Variants in PNLIPRP3 observed in about 807,000 individuals in gnomAD.
PNLIPRP3 encodes the protein pancreatic lipase-related protein 3.
In PNLIPRP3, 58 loss-of-function variants were observed where a neutral mutation model predicts 52.8. The ratio of observed to expected loss-of-function variants is 1.10; its 90% CI spans 0.89 to 1.37. The LOEUF (loss-of-function observed/expected upper bound fraction) is 1.37. PNLIPRP3 is among the 40% of genes most tolerant of loss of function. The pLI is 0.00. For synonymous variants in PNLIPRP3, 192 were observed against 185.0 expected (o/e 1.04, Z -0.31); for missense variants, 593 against 561.6 (o/e 1.06, Z -0.57).
chr10:116,443,629 ACAC>A, intron 3 of PNLIPRP3, among the ~76,000 whole-genome samples: 1 of 2,218 alleles, frequency 4.5e-4, no homozygotes, highest in African/African-American at 5.2e-4. Flanking sequence ...TATATATATA[ACAC>A]ATATATATAA....
At chr10:116,445,563 A>G (rs958662594) in intron 4 of PNLIPRP3, among the ~76,000 whole-genome samples, 1 of 151,856 alleles carries the variant, frequency 6.6e-6, no homozygotes, top group African/African-American at 2.4e-5. Context: ...CTTTATAAAA[A>G]AAAAAAGCCA....
chr10:116,442,967 G>C (rs1845878916), intron 2 of PNLIPRP3, 88 bp from the exon 3 acceptor site: 1 of 1,010,890 alleles, frequency 9.9e-7, no homozygotes, highest in Non-Finnish European at 1.3e-6. Flanking sequence ...TTTAGTGAAA[G>C]GCTTTCGAGC....
At chr10:116,462,288 A>G (rs1292417946) in intron 7 of PNLIPRP3, among the ~76,000 whole-genome samples, 2 of 150,328 alleles carry the variant, frequency 1.3e-5, no homozygotes. Context: ...CATATAATTA[A>G]TGAAATACAT....
intron 4 of PNLIPRP3, among the ~76,000 whole-genome samples, chr10:116,449,587 A>G (rs956242241): frequency 6.6e-6 from 1 of 152,220 alleles, no homozygotes; most frequent in African/African-American, 2.4e-5. Flanking sequence ...CTAAATATAT[A>G]AAGCAAACAT....
chr10:116,463,400 T>G (rs1846228405), intron 7 of PNLIPRP3, among the ~76,000 whole-genome samples: 1 of 152,222 alleles, frequency 6.6e-6, no homozygotes, highest in African/African-American at 2.4e-5. Context: ...CTTGTTCTCC[T>G]CTGTCAGGTG....
At chr10:116,471,733 TTCTC>T in intron 9 of PNLIPRP3, 31 bp from the exon 10 acceptor site, 1 of 1,491,768 alleles carries the variant, frequency 6.7e-7, no homozygotes, top group Non-Finnish European at 9.3e-7. Flanking sequence ...TTTTAACCCT[TTCTC>T]TCCCTTTCCT....
At chr10:116,453,841 G>C (rs556241882) in intron 4 of PNLIPRP3, among the ~76,000 whole-genome samples, 1 of 152,198 alleles carries the variant, frequency 6.6e-6, no homozygotes, top group Admixed American at 6.5e-5. Context: ...CATAGGTATA[G>C]ACGTGCCGTG....
chr10:116,461,860 G>T (rs963893903), intron 7 of PNLIPRP3, among the ~76,000 whole-genome samples: 6 of 152,128 alleles, frequency 3.9e-5, no homozygotes, highest in Non-Finnish European at 8.8e-5. Flanking sequence ...GGCATTCCAG[G>T]CCAACAGGGG....
Position 116,436,723 on chromosome 10 carries a change from G to C in PNLIPRP3, c.62G>C (p.Cys21Ser), listed in dbSNP as rs772840300. The C allele has an allele frequency of 1.2e-6, 2 of 1,608,976 alleles. No homozygotes were observed. Among genetic ancestry groups the C allele is most frequent in the Non-Finnish European group, 1.7e-6 (2 of 1,176,996 alleles). Residue 21 changes from cysteine to serine, a missense_variant, in exon 2 of 12, where the codon TGC becomes TCC. By Grantham distance (112) the Cys-to-Ser change is moderately radical. Transcript: ENST00000369230. ...CTTTCTGCTGCAGGAAAAGAAGTTT[G>C]CTATGAAAGGTTAGGGTGTTTCAAA... is the stretch of plus-strand genomic sequence containing the variant. ...FFGTSRGKEV[C>S]YERLGCFKDG...
At chr10:116,445,468 T>A (rs1281571561) in intron 4 of PNLIPRP3, among the ~76,000 whole-genome samples, 5 of 152,112 alleles carry the variant, frequency 3.3e-5, no homozygotes, top group African/African-American at 1.2e-4. Context: ...CTATCTTCTC[T>A]TTCCACTCTA....
At chr10:116,449,877 G>A (rs1846011152) in intron 4 of PNLIPRP3, among the ~76,000 whole-genome samples, 1 of 152,158 alleles carries the variant, frequency 6.6e-6, no homozygotes, top group South Asian at 2.1e-4. Context: ...AACTCAAGAA[G>A]ATTGCAATCA....
At chr10:116,475,184 C>T (rs559398516) in intron 10 of PNLIPRP3, among the ~76,000 whole-genome samples, 1 of 152,104 alleles carries the variant, frequency 6.6e-6, no homozygotes, top group African/African-American at 2.4e-5. Flanking sequence ...AATGCAGGAA[C>T]AGGAAACCAA....
intron 7 of PNLIPRP3, 26 bp from the exon 8 acceptor site, chr10:116,466,024 C>G: frequency 6.8e-7 from 1 of 1,477,134 alleles, no homozygotes; most frequent in East Asian, 2.3e-5. Context: ...TAATTGCTAT[C>G]AGTTAATTGG....
rs61729314 is a variant in PNLIPRP3 at position 116,471,845 on chromosome 10, G to T, written c.1138G>T (p.Ala380Ser). Residue 380 changes from alanine (A) to serine (S), a missense_variant, in exon 10 of 12, where the codon GCA becomes TCA. Transcript: ENST00000369230. ...AACTGTCTTTCTTCGTGTAGGCGGGGCAGTTAGGAAAACTGGGGAGTTTGC... is the reference window on the plus strand; with the variant it reads ...AACTGTCTTTCTTCGTGTAGGCGGGTCAGTTAGGAAAACTGGGGAGTTTGC... The part of the protein sequence containing the change: ...QGTVFLRVGG[A>S]VRKTGEFAIV... 60 of 1,597,502 alleles carry T rather than the reference G, an allele frequency of 3.8e-5. No individual in the cohort carries two copies. The highest frequency in any genetic ancestry group is 4.9e-5 in the Non-Finnish European group (57 of 1,175,028).
At chr10:116,459,543 C>T (rs1846161161) in intron 5 of PNLIPRP3, among the ~76,000 whole-genome samples, 1 of 152,176 alleles carries the variant, frequency 6.6e-6, no homozygotes. Flanking sequence ...GTCCAAACTC[C>T]TTGACATGGC....
chr10:116,452,357 G>A (rs34155176), intron 4 of PNLIPRP3, among the ~76,000 whole-genome samples: 1 of 152,222 alleles, frequency 6.6e-6, no homozygotes, highest in African/African-American at 2.4e-5. Context: ...TTGCAGCCTA[G>A]CCTAGCCATG....
Position 116,455,750 on chromosome 10 carries a change from T to C in PNLIPRP3, c.485T>C (p.Val162Ala), listed in dbSNP as rs769249553. The C allele has an allele frequency of 1.7e-5, 28 of 1,613,938 alleles. No individual in the cohort carries two copies. In the South Asian group the frequency reaches 3.1e-4, roughly 18 times the overall value. ...MKKFEYSPSK[V>A]HLIGHSLGAH... ...AAATTTGAATATTCCCCTTCTAAAG[T>C]GCACTTGATTGGCCACAGCTTGGGA... is the stretch of plus-strand genomic sequence containing the variant. The change falls in exon 5 of 12, where the codon GTG becomes GCG. Residue 162 changes from valine (V) to alanine (A), a missense_variant. Physicochemically the swap from Val to Ala is moderately conservative, Grantham distance 64. Transcript: ENST00000369230.
intron 4 of PNLIPRP3, among the ~76,000 whole-genome samples, chr10:116,454,615 T>C (rs1846085943): frequency 6.6e-6 from 1 of 152,248 alleles, no homozygotes. Flanking sequence ...ACTATTATCC[T>C]CTACTTACGT....
chr10:116,461,760 TAGA>T (rs1846195331), intron 7 of PNLIPRP3, among the ~76,000 whole-genome samples: 2 of 152,056 alleles, frequency 1.3e-5, no homozygotes, highest in Admixed American at 6.5e-5. Context: ...GAAGGTAAAG[TAGA>T]AGAAGAAAAT....
Sources: gnomAD v4.1 joint callset for allele counts (sites outside exome capture counted in the v4.1 genomes callset) on GRCh38, gnomAD v4.1.1 for gene constraint, MANE v1.5 for transcripts, NCBI Gene and HGNC (gene_info 2026-07-23, HGNC 2026-07-21) for gene names.